PELI1: variants seen among roughly 807,000 people sequenced by gnomAD.
PELI1 encodes pellino E3 ubiquitin protein ligase 1, also known as E3 ubiquitin-protein ligase pellino homolog 1.
Under a neutral mutation model 41.3 loss-of-function variants are expected in PELI1, and 15 were observed. The observed-to-expected ratio is 0.36, with a 90% CI of 0.24 to 0.56. The LOEUF (loss-of-function observed/expected upper bound fraction) is 0.56, where lower values mean the gene tolerates loss of function less well. Among genes scored for constraint, PELI1 ranks in the 20% least tolerant of loss-of-function variants. The pLI, the probability that PELI1 is intolerant of heterozygous loss-of-function variation, is 0.82. For missense variants in PELI1, 403 were observed against 525.5 expected (o/e 0.77, Z 2.28); for synonymous variants, 178 against 180.1 (o/e 0.99, Z 0.09).
intron 1 of PELI1, among the ~76,000 whole-genome samples, chr2:64,128,576 G>C (rs954543665): frequency 7.2e-5 from 11 of 152,000 alleles, no homozygotes; most frequent in Non-Finnish European, 1.3e-4. Context: ...TTTCTAACTA[G>C]AGTTACAGAC....
chr2:64,130,270 C>G (rs534912463), intron 1 of PELI1, among the ~76,000 whole-genome samples: 1 of 152,250 alleles, frequency 6.6e-6, no homozygotes, highest in South Asian at 2.1e-4. Context: ...ACTCGAGTAG[C>G]TGGGACTACA....
chr2:64,102,832 A>G (rs1282647415), intron 3 of PELI1, among the ~76,000 whole-genome samples: 1 of 146,124 alleles, frequency 6.8e-6, no homozygotes, highest in Non-Finnish European at 1.5e-5. Flanking sequence ...AGGAGGAGTC[A>G]ATCTTTTTTT....
chr2:64,113,743 G>A (rs1036555383), intron 1 of PELI1, among the ~76,000 whole-genome samples: 20 of 152,052 alleles, frequency 1.3e-4, no homozygotes, highest in African/African-American at 4.8e-4. Flanking sequence ...TAATTTGACT[G>A]TTAAACATTC....
intron 1 of PELI1, among the ~76,000 whole-genome samples, chr2:64,118,153 T>C (rs1681063799): frequency 6.6e-6 from 1 of 152,214 alleles, no homozygotes; most frequent in Non-Finnish European, 1.5e-5. Flanking sequence ...TCACTCAGTA[T>C]GATATTCTTA....
chr2:64,121,917 A>AG (rs1267336036), intron 1 of PELI1, among the ~76,000 whole-genome samples: 1 of 152,156 alleles, frequency 6.6e-6, no homozygotes, highest in Non-Finnish European at 1.5e-5. Context: ...AAAAAAAAAA[A>AG]AAAAAGAGTA....
At chr2:64,103,031 T>C (rs767844772) in intron 3 of PELI1, among the ~76,000 whole-genome samples, 2 of 151,786 alleles carry the variant, frequency 1.3e-5, no homozygotes, top group Non-Finnish European at 2.9e-5. Flanking sequence ...TTGGTGGAGA[T>C]GGAGTTTCAC....
Position 64,093,115 on chromosome 2 carries a change from T to C in PELI1, c.*1587A>G, listed in dbSNP as rs563540169. On this transcript the variant is annotated 3_prime_UTR_variant, in exon 7 of 7. Transcript: ENST00000358912. ...AGTTTCCTGACATGCATTTCCTGAG[T>C]GAACCCAAATGATCATTTTTTAAAA... 3 of 152,616 alleles carry C rather than the reference T, an allele frequency of 2.0e-5. No homozygotes were observed. The highest frequency in any genetic ancestry group is 2.9e-5 in the Non-Finnish European group (2 of 68,012). 9.5% of individuals were successfully genotyped at this position (152,616 alleles called of 1,614,324 possible).
intron 3 of PELI1, 89 bp downstream of exon 3, chr2:64,104,612 T>TAAGGGGAATGC: frequency 1.4e-6 from 2 of 1,395,116 alleles, no homozygotes; most frequent in South Asian, 3.9e-5. Context: ...AATAGAAATG[T>TAAGGGGAATGC]AAGGGGAATG....
intron 1 of PELI1, among the ~76,000 whole-genome samples, chr2:64,120,383 T>C (rs531901544): frequency 6.6e-6 from 1 of 152,360 alleles, no homozygotes; most frequent in African/African-American, 2.4e-5. Context: ...ATTAATTACA[T>C]TTAAGATTAT....
At chr2:64,122,779 T>G (rs1681266344) in intron 1 of PELI1, among the ~76,000 whole-genome samples, 2 of 152,216 alleles carry the variant, frequency 1.3e-5, no homozygotes, top group Admixed American at 1.3e-4. Flanking sequence ...TGAGAAAATG[T>G]ACATTAGGCC....
chr2:64,139,430 C>T (rs773514642), intron 1 of PELI1, among the ~76,000 whole-genome samples: 18 of 151,946 alleles, frequency 1.2e-4, no homozygotes, highest in Admixed American at 2.6e-4. Flanking sequence ...CTCAGCTTCC[C>T]GAGTAGTTGG....
chr2:64,129,386 AC>A (rs1179137389), intron 1 of PELI1, among the ~76,000 whole-genome samples: 1 of 152,162 alleles, frequency 6.6e-6, no homozygotes, highest in Non-Finnish European at 1.5e-5. Flanking sequence ...ATTTTAATAT[AC>A]CCCTGACATT....
At chr2:64,126,063 T>C (rs577397883) in intron 1 of PELI1, among the ~76,000 whole-genome samples, 55 of 152,346 alleles carry the variant, frequency 3.6e-4, no homozygotes, top group Non-Finnish European at 7.2e-4. Context: ...ATACTCTCCA[T>C]AAAATGCTAA....
intron 1 of PELI1, among the ~76,000 whole-genome samples, chr2:64,128,786 C>T (rs1421513047): frequency 1.3e-5 from 2 of 152,154 alleles, no homozygotes; most frequent in Non-Finnish European, 2.9e-5. Flanking sequence ...AATATTTTCA[C>T]ATAGTAACAT....
At chr2:64,099,091 A>G (rs1235525510) in intron 4 of PELI1, among the ~76,000 whole-genome samples, 1 of 152,108 alleles carries the variant, frequency 6.6e-6, no homozygotes, top group Non-Finnish European at 1.5e-5. Context: ...TCTACAAAAG[A>G]TAAGCGGTAA....
At chr2:64,113,396 T>G (rs1680888990) in intron 1 of PELI1, among the ~76,000 whole-genome samples, 1 of 152,224 alleles carries the variant, frequency 6.6e-6, no homozygotes, top group African/African-American at 2.4e-5. Context: ...TGGCTTCATT[T>G]GTTGGTCTTC....
intron 1 of PELI1, among the ~76,000 whole-genome samples, chr2:64,125,918 TG>T (rs939024554): frequency 3.3e-5 from 5 of 152,222 alleles, no homozygotes; most frequent in African/African-American, 1.2e-4. Context: ...TCAAGCTATT[TG>T]TATAAGGTGT....
intron 1 of PELI1, among the ~76,000 whole-genome samples, chr2:64,139,393 T>A (rs770122086): frequency 6.6e-6 from 1 of 152,024 alleles, no homozygotes; most frequent in Non-Finnish European, 1.5e-5. Context: ...GCAGCCTCAA[T>A]CTCCCAGGCT....
At chr2:64,109,851 A>G (rs1346884086) in intron 1 of PELI1, among the ~76,000 whole-genome samples, 1 of 152,238 alleles carries the variant, frequency 6.6e-6, no homozygotes, top group Non-Finnish European at 1.5e-5. Context: ...AATGAAACAA[A>G]AAACAGAGCC....
Sources: gnomAD v4.1 joint callset for allele counts (sites outside exome capture counted in the v4.1 genomes callset) on GRCh38, gnomAD v4.1.1 for gene constraint, MANE v1.5 for transcripts, NCBI Gene and HGNC (gene_info 2026-07-23, HGNC 2026-07-21) for gene names.